AATF: variants seen among roughly 807,000 people sequenced by gnomAD.
AATF encodes the protein apoptosis antagonizing transcription factor.
A neutral mutation model predicts 63.7 loss-of-function variants in AATF; 48 were observed. The ratio of observed to expected loss-of-function variants is 0.75; its 90% confidence interval spans 0.60 to 0.96. AATF has a LOEUF of 0.96. AATF is among the 40% of genes least tolerant of loss of function. The pLI is 0.00. For missense variants in AATF, 639 were observed against 685.7 expected (o/e 0.93, Z 0.76); for synonymous variants, 258 against 247.7 (o/e 1.04, Z -0.39).
At chr17:36,956,972 C>G (rs1330838920) in intron 4 of AATF, among the ~76,000 whole-genome samples, 18 of 150,748 alleles carry the variant, frequency 1.2e-4, no homozygotes, top group Admixed American at 7.2e-4. Context: ...GCGAAACTGT[C>G]CCCCCCGAAA....
chr17:36,952,993 G>A lies in AATF; in HGVS notation c.391G>A (p.Gly131Ser), dbSNP rs760300516. The change falls in exon 3 of 12, where the codon GGT becomes AGT. Residue 131 changes from glycine to serine, a missense_variant. Coordinates refer to ENST00000619387, the MANE Select transcript of AATF (RefSeq NM_012138.4). Reference sequence around the variant, plus strand: ...GGGTGCTGCTGAGGAACAGGAGTGTGGTGATCACAGGGAGAGCAAGAAGAG... The same window carrying A: ...GGGTGCTGCTGAGGAACAGGAGTGTAGTGATCACAGGGAGAGCAAGAAGAG... Reference protein sequence around the residue: ...DLGAAEEQECGDHRESKKSRS... With the variant: ...DLGAAEEQECSDHRESKKSRS... The A allele has an allele frequency of 6.2e-7, 1 of 1,614,164 alleles. No individual in the cohort carries two copies. Among genetic ancestry groups the A allele is most frequent in the Admixed American group, 1.7e-5 (1 of 60,020 alleles).
At chr17:36,968,781 C>T (rs2071016514) in intron 4 of AATF, among the ~76,000 whole-genome samples, 1 of 151,870 alleles carries the variant, frequency 6.6e-6, no homozygotes, top group African/African-American at 2.4e-5. Flanking sequence ...GCCATCCCAT[C>T]TGGCTATTTT....
intron 4 of AATF, among the ~76,000 whole-genome samples, chr17:36,983,663 TAAGAC>T (rs2071145136): frequency 6.6e-6 from 1 of 152,182 alleles, no homozygotes; most frequent in South Asian, 2.1e-4. Context: ...ATTTTTTTCT[TAAGAC>T]AGAGAGCAAC....
intron 1 of AATF, 96 bp from the exon 2 acceptor site, chr17:36,950,118 G>T: frequency 7.4e-7 from 1 of 1,358,614 alleles, no homozygotes; most frequent in South Asian, 1.3e-5. Flanking sequence ...ATTTCGTAAA[G>T]GACGTTCAAC....
chr17:37,031,015 A>G (rs1450185191), intron 10 of AATF, among the ~76,000 whole-genome samples: 1 of 152,236 alleles, frequency 6.6e-6, no homozygotes, highest in Non-Finnish European at 1.5e-5. Context: ...GGGCTGTACT[A>G]TAAATGAATC....
intron 10 of AATF, among the ~76,000 whole-genome samples, chr17:37,026,579 G>A (rs2071512715): frequency 6.6e-6 from 1 of 152,174 alleles, no homozygotes; most frequent in Non-Finnish European, 1.5e-5. Flanking sequence ...TTACATCTCT[G>A]TGCTTCAATT....
chr17:37,022,574 T>C (rs906058127), intron 10 of AATF, among the ~76,000 whole-genome samples: 2 of 152,222 alleles, frequency 1.3e-5, no homozygotes, highest in African/African-American at 2.4e-5. Flanking sequence ...TTCTCTAGGT[T>C]CATTTTTAGA....
At chr17:36,956,952 A>T (rs549064188) in intron 4 of AATF, among the ~76,000 whole-genome samples, 1 of 152,014 alleles carries the variant, frequency 6.6e-6, no homozygotes, top group East Asian at 1.9e-4. Flanking sequence ...CTCTAGCCTG[A>T]GCGACAAGAG....
intron 10 of AATF, among the ~76,000 whole-genome samples, chr17:37,024,719 G>A (rs1040921131): frequency 6.6e-6 from 1 of 152,198 alleles, no homozygotes; most frequent in African/African-American, 2.4e-5. Context: ...AGCACTTTGG[G>A]AGGCTGAGGC....
At chr17:36,996,139 AT>A (rs1267750871) in intron 8 of AATF, among the ~76,000 whole-genome samples, 1 of 152,186 alleles carries the variant, frequency 6.6e-6, no homozygotes, top group Non-Finnish European at 1.5e-5. Context: ...AAGTACATAA[AT>A]TTTAAAATTG....
At chr17:36,989,221 T>C in intron 6 of AATF, 26 bp from the exon 7 acceptor site, 1 of 1,599,046 alleles carries the variant, frequency 6.3e-7, no homozygotes, top group Non-Finnish European at 8.5e-7. Flanking sequence ...TTCTGCATTA[T>C]CTGACACTGC....
chr17:37,042,843 G>A (rs573821799), intron 11 of AATF, among the ~76,000 whole-genome samples: 5 of 149,034 alleles, frequency 3.4e-5, no homozygotes, highest in Non-Finnish European at 5.9e-5. Flanking sequence ...CCGGGTTCAC[G>A]CCATTCTTCT....
intron 4 of AATF, among the ~76,000 whole-genome samples, chr17:36,969,644 T>C (rs1331320437): frequency 1.3e-5 from 2 of 152,184 alleles, no homozygotes; most frequent in Non-Finnish European, 2.9e-5. Flanking sequence ...TCCATTTGCT[T>C]TTTCAAAAAC....
chr17:37,044,305 C>CA (rs1247098716), intron 11 of AATF, among the ~76,000 whole-genome samples: 1 of 152,112 alleles, frequency 6.6e-6, no homozygotes, highest in African/African-American at 2.4e-5. Context: ...CATGCTAAAC[C>CA]ATTGCACCGC....
chr17:36,979,939 T>C (rs1453546468), intron 4 of AATF, among the ~76,000 whole-genome samples: 1 of 152,206 alleles, frequency 6.6e-6, no homozygotes, highest in East Asian at 1.9e-4. Context: ...TATAAATGAA[T>C]ACCTAATATA....
rs1481313859 is a variant in AATF, at chr17:37,031,699, T to G, written c.1619+14T>G. 8.7e-6 allele frequency: 14 copies of G among 1,606,412 alleles called. No individual in the cohort carries two copies. The highest frequency in any genetic ancestry group is 1.2e-5 in the Non-Finnish European group (14 of 1,172,932). On this transcript the variant is annotated intron_variant, in intron 11 of 11. Transcript: ENST00000619387. ...TGATGATGCCAGGTGAGTAATAGAT[T>G]AATTATGTGTCTCAAATGGCTTCAT...
At chr17:36,962,428 A>G (rs1473368832) in intron 4 of AATF, among the ~76,000 whole-genome samples, 2 of 152,210 alleles carry the variant, frequency 1.3e-5, no homozygotes, top group Non-Finnish European at 2.9e-5. Flanking sequence ...TAAGAGTATA[A>G]GCCCTAAATG....
At chr17:37,037,172 C>G (rs1000873930) in intron 11 of AATF, among the ~76,000 whole-genome samples, 4 of 151,938 alleles carry the variant, frequency 2.6e-5, no homozygotes, top group African/African-American at 9.7e-5. Context: ...CCCCTCCCCA[C>G]CCCCTGGCTA....
chr17:37,008,659 T>C (rs139461741), intron 8 of AATF, among the ~76,000 whole-genome samples: 17 of 150,968 alleles, frequency 1.1e-4, no homozygotes, highest in Non-Finnish European at 2.2e-4. Context: ...AGGTCAAGAG[T>C]TCAAGACCAG....
Sources: gnomAD v4.1 joint callset for allele counts (sites outside exome capture counted in the v4.1 genomes callset) on GRCh38, gnomAD v4.1.1 for gene constraint, MANE v1.5 for transcripts, NCBI Gene and HGNC (gene_info 2026-07-23, HGNC 2026-07-21) for gene names.